The following DOCK7 variants were observed in gnomAD, a reference collection of about 807,000 sequenced individuals.
DOCK7 encodes the protein dedicator of cytokinesis protein 7.
DOCK7 carries 138 observed loss-of-function variants against 271.0 expected under a neutral mutation model. The ratio of observed to expected loss-of-function variants is 0.51; its 90% confidence interval spans 0.44 to 0.59. The LOEUF (loss-of-function observed/expected upper bound fraction) is 0.59, where lower values mean the gene tolerates loss of function less well. Among genes scored for constraint, DOCK7 ranks in the 20% least tolerant of loss-of-function variants. The pLI is 0.00. For missense variants in DOCK7, 2,066 were observed against 2,592.4 expected (o/e 0.80, Z 4.41); for synonymous variants, 823 against 876.1 (o/e 0.94, Z 1.07).
rs965875815 is a variant in DOCK7, at chr1:62,460,031, C to T, written c.6213-2326G>A. ...AGGAGAATGGCATGAACCTGGGAGG[C>T]GGAGCTTGCAGTGAGCAGAGATTTC... On this transcript the variant is annotated intron_variant, in intron 48 of 49. Transcript: ENST00000635253. Among the ~76,000 whole-genome samples the T allele has an allele frequency of 5.4e-5, 7 of 130,734 alleles. No homozygotes were observed. In the East Asian group the frequency reaches 1.3e-3, roughly 24 times the overall value. The allele number at this position is 130,734 out of a possible 152,430, so 85.8% of individuals were successfully genotyped here.
At chr1:62,511,868 G>C (rs1016284372) in intron 33 of DOCK7, among the ~76,000 whole-genome samples, 1 of 151,902 alleles carries the variant, frequency 6.6e-6, no homozygotes, top group African/African-American at 2.4e-5. Context: ...TAATGTCTTA[G>C]AACTGAAAGT....
chr1:62,618,971 A>C (rs1652801533), intron 13 of DOCK7, 103 bp from the exon 14 acceptor site: 1 of 1,013,344 alleles, frequency 9.9e-7, no homozygotes, highest in East Asian at 2.4e-5. Flanking sequence ...AAGTCTGGGA[A>C]GAATATTACA....
chr1:62,667,827 G>A (rs1659493371), intron 1 of DOCK7, among the ~76,000 whole-genome samples: 2 of 152,172 alleles, frequency 1.3e-5, no homozygotes, highest in Admixed American at 1.3e-4. Flanking sequence ...CGACCAGTCT[G>A]GCCAACATGG....
chr1:62,674,446 A>G (rs1660335961), intron 1 of DOCK7, among the ~76,000 whole-genome samples: 1 of 152,226 alleles, frequency 6.6e-6, no homozygotes. Flanking sequence ...CATACTTTAT[A>G]TAGATATTGG....
At chr1:62,580,768 C>A (rs558863023) in intron 16 of DOCK7, among the ~76,000 whole-genome samples, 2 of 152,216 alleles carry the variant, frequency 1.3e-5, no homozygotes, top group East Asian at 1.9e-4. Flanking sequence ...CAGGGGTTGG[C>A]AAACTATGGC....
intron 43 of DOCK7, chr1:62,486,767 C>T (rs1423110618): frequency 6.6e-6 from 1 of 152,056 alleles, no homozygotes; most frequent in Non-Finnish European, 1.5e-5. Context: ...GAATTTCTTT[C>T]CTCAGTAGTG....
At chr1:62,517,907 C>T (rs2149348873) in intron 31 of DOCK7, among the ~76,000 whole-genome samples, 1 of 152,238 alleles carries the variant, frequency 6.6e-6, no homozygotes, top group South Asian at 2.1e-4. Flanking sequence ...ATTCATAATA[C>T]CTTTATCTGT....
rs531765915 is a variant in DOCK7, at chr1:62,686,981, T to C, written c.38+1246A>G. 7.9e-5 allele frequency among the ~76,000 whole-genome samples: 12 copies of C among 152,152 alleles called. No individual in the cohort carries two copies. In the East Asian group the frequency reaches 1.9e-3, roughly 24 times the overall value. On this transcript the variant is annotated intron_variant, in intron 1 of 49. Coordinates refer to ENST00000635253, the MANE Select transcript of DOCK7 (RefSeq NM_001367561.1). ...GAGATGGGGTGGGGGGGACTCGCTA[T>C]GTTGCCCAGGCTGGTCTTGAACTCC...
At chr1:62,520,517 T>C (rs144001572) in intron 31 of DOCK7, among the ~76,000 whole-genome samples, 1,595 of 152,252 alleles carry the variant, frequency 0.01, 12 homozygotes, top group Middle Eastern at 0.024. Context: ...TCACTGGTCA[T>C]TACAGAAATG....
chr1:62,597,619 G>A lies in DOCK7; in HGVS notation c.1683-10995C>T, dbSNP rs1013469622. 4.3e-6 allele frequency: 7 copies of A among 1,612,842 alleles called. No homozygotes were observed. The African/African-American group carries it at 8.0e-5, about 18-fold the overall frequency. ...ATTGTTCCTCTAGTTATTTCCTCCA[G>A]AATTGATCAAGACAATTCATCATTT... On this transcript the variant is annotated intron_variant, in intron 14 of 49. Coordinates refer to ENST00000635253, the MANE Select transcript of DOCK7 (RefSeq NM_001367561.1).
At chr1:62,516,461 C>T (rs372454108) in intron 31 of DOCK7, among the ~76,000 whole-genome samples, 30 of 152,254 alleles carry the variant, frequency 2.0e-4, no homozygotes, top group East Asian at 1.9e-3. Context: ...TAATCTATCA[C>T]CTACAATAAA....
chr1:62,665,637 T>C (rs1275720597), intron 1 of DOCK7, among the ~76,000 whole-genome samples: 3 of 134,204 alleles, frequency 2.2e-5, no homozygotes, highest in South Asian at 4.9e-4. Context: ...TCCACGGAGG[T>C]TGCGGTGAGC....
intron 1 of DOCK7, among the ~76,000 whole-genome samples, chr1:62,670,283 C>T (rs1009478536): frequency 1.6e-4 from 25 of 152,254 alleles, no homozygotes; most frequent in African/African-American, 5.3e-4. Context: ...GAGCGCACGG[C>T]GCAGGACTGG....
intron 1 of DOCK7, among the ~76,000 whole-genome samples, chr1:62,682,514 G>A (rs1255398702): frequency 1.3e-5 from 2 of 152,116 alleles, no homozygotes; most frequent in Admixed American, 1.3e-4. Flanking sequence ...ATAAAAACAG[G>A]GAAGGGGGTG....
chr1:62,481,824 A>G (rs1408905753), intron 43 of DOCK7: 1 of 152,218 alleles, frequency 6.6e-6, no homozygotes, highest in African/African-American at 2.4e-5. Flanking sequence ...AGCAAGAAAC[A>G]TTCCGATGGA....
In DOCK7 at chr1:62,619,296, T is replaced by C. The variant is rs376796702; in HGVS notation, c.1520-428A>G. On this transcript the variant is annotated intron_variant, in intron 13 of 49. Transcript: ENST00000635253. ...CTATTTTTTAATATTTACCATTCTA[T>C]TACCATTCTAGAAAATAATTTTAAG... 1.2e-4 allele frequency among the ~76,000 whole-genome samples: 19 copies of C among 152,360 alleles called. No homozygotes were observed. The East Asian group carries it at 1.9e-3, about 15-fold the overall frequency.
chr1:62,505,746 G>C lies in DOCK7; in HGVS notation c.4547C>G (p.Ala1516Gly). 6.2e-7 allele frequency: 1 copy of C among 1,613,438 alleles called. No individual in the cohort carries two copies. Among genetic ancestry groups the C allele is most frequent in the Non-Finnish European group, 8.5e-7 (1 of 1,179,674 alleles). The change falls in exon 36 of 50, where the codon GCC (alanine) becomes GGC (glycine). Residue 1516 changes from alanine to glycine, a missense_variant. Ala to Gly is a moderately conservative substitution (Grantham distance 60). Transcript: ENST00000635253. ...GVLKVLLHSM[A>G]CNQSAVYLQH... The stretch of plus-strand genomic sequence containing the variant: ...TAGATAAACTGCACTTTGGTTACAG[G>C]CCATGCTGTGTAGTAGCACTTTTAG...
intron 43 of DOCK7, 46 bp downstream of exon 43, chr1:62,487,352 T>C: frequency 6.3e-7 from 1 of 1,587,704 alleles, no homozygotes; most frequent in Non-Finnish European, 8.6e-7. Flanking sequence ...AGAAATCTGA[T>C]AAAATCAATC....
chr1:62,476,649 G>T (rs1645976204), intron 44 of DOCK7, among the ~76,000 whole-genome samples: 1 of 152,006 alleles, frequency 6.6e-6, no homozygotes, highest in African/African-American at 2.4e-5. Context: ...TTCTCTATGG[G>T]TTTACATTTT....
Sources: allele counts gnomAD v4.1 joint callset (sites outside exome capture counted in the v4.1 genomes callset), GRCh38; gene constraint gnomAD v4.1.1; transcripts MANE v1.5; gene names NCBI Gene and HGNC (gene_info 2026-07-23, HGNC 2026-07-21).